The following MYOF variants were observed in gnomAD, a reference collection of about 807,000 sequenced individuals.
MYOF encodes fer-1-like 3, myoferlin.
A neutral mutation model predicts 284.2 loss-of-function variants in MYOF; 244 were observed. The ratio of observed to expected loss-of-function variants is 0.86; its 90% confidence interval spans 0.77 to 0.95. MYOF has a LOEUF of 0.95. Ranked by LOEUF, MYOF falls within the 40% of genes least tolerant of loss-of-function variation. MYOF has a pLI of 0.00. For missense variants in MYOF, 2,496 were observed against 2,560.6 expected (o/e 0.97, Z 0.54); for synonymous variants, 904 against 919.7 (o/e 0.98, Z 0.31).
chr10:93,330,247 G>A (rs553351335), intron 43 of MYOF, among the ~76,000 whole-genome samples: 1 of 151,460 alleles, frequency 6.6e-6, no homozygotes, highest in African/African-American at 2.4e-5. Context: ...TCCAATGCCA[G>A]TATAATAATA....
chr10:93,418,552 A>G (rs964172693), intron 5 of MYOF, among the ~76,000 whole-genome samples: 1 of 152,162 alleles, frequency 6.6e-6, no homozygotes, highest in African/African-American at 2.4e-5. Flanking sequence ...CTGCGGGGCA[A>G]TTGAGGAATC....
intron 1 of MYOF, among the ~76,000 whole-genome samples, chr10:93,467,406 A>T (rs1158447263): frequency 1.3e-4 from 3 of 23,672 alleles, no homozygotes; most frequent in Non-Finnish European, 4.9e-4. Context: ...TATGAGTGAG[A>T]ACATGCAGTG....
At chr10:93,368,231 T>G (rs1845418157) in intron 25 of MYOF, among the ~76,000 whole-genome samples, 2 of 152,158 alleles carry the variant, frequency 1.3e-5, no homozygotes, top group African/African-American at 4.8e-5. Context: ...GCCTCCCTAG[T>G]GGCCTCCAGC....
Position 93,353,683 on chromosome 10 carries a change from T to C in MYOF, c.3481+128A>G, listed in dbSNP as rs1041159006. On this transcript the variant is annotated intron_variant, in intron 32 of 53. Coordinates refer to ENST00000359263, the MANE Select transcript of MYOF (RefSeq NM_013451.4). ...ATGACTGAGCAGTTTGCTTCAAGCATGCAAAAATAACCTCAACATGTAAAG... is the reference window on the plus strand; with the variant it reads ...ATGACTGAGCAGTTTGCTTCAAGCACGCAAAAATAACCTCAACATGTAAAG... 4.3e-6 allele frequency: 3 copies of C among 695,978 alleles called. No individual in the cohort carries two copies. The African/African-American group carries it at 5.4e-5, about 12-fold the overall frequency. 43.1% of individuals were successfully genotyped at this position (695,978 alleles called of 1,614,324 possible).
chr10:93,454,804 G>A (rs1487008782), intron 2 of MYOF, among the ~76,000 whole-genome samples: 1 of 151,458 alleles, frequency 6.6e-6, no homozygotes, highest in East Asian at 1.9e-4. Flanking sequence ...ATAGCAGGAT[G>A]TAATCTCTAC....
At chr10:93,365,705 G>A (rs185196436) in intron 26 of MYOF, among the ~76,000 whole-genome samples, 17 of 152,246 alleles carry the variant, frequency 1.1e-4, no homozygotes, top group East Asian at 5.8e-4. Context: ...GTGTTTCTGC[G>A]CATCTTGTGA....
At position 93,402,787 on chromosome 10, in the gene MYOF, A is replaced by G. The variant is rs1847362601; in HGVS notation, c.874+73T>C. On this transcript the variant is annotated intron_variant, in intron 10 of 53. Coordinates refer to ENST00000359263, the MANE Select transcript of MYOF (RefSeq NM_013451.4). The stretch of plus-strand genomic sequence containing the variant: ...CTTTGATCCCCCCCAAATTGTCTTG[A>G]TTCTTAGAATCATCTTCAGAGTTAG... 3 of 1,399,270 alleles carry G rather than the reference A, an allele frequency of 2.1e-6. No homozygotes were observed. In the East Asian group the frequency reaches 6.9e-5, roughly 32 times the overall value. The allele number at this position is 1,399,270 out of a possible 1,614,324, so 86.7% of individuals were successfully genotyped here.
At chr10:93,348,416 G>C (rs1434350513) in intron 36 of MYOF, among the ~76,000 whole-genome samples, 1 of 152,166 alleles carries the variant, frequency 6.6e-6, no homozygotes, top group Non-Finnish European at 1.5e-5. Context: ...TGCCTGATTG[G>C]GGAATCATGA....
chr10:93,470,399 G>GT (rs1023455153), intron 1 of MYOF, among the ~76,000 whole-genome samples: 5 of 151,818 alleles, frequency 3.3e-5, no homozygotes, highest in Admixed American at 1.3e-4. Flanking sequence ...AGAAGTTTTT[G>GT]TTTTTTTGTT....
Position 93,406,288 on chromosome 10 carries a change from TTATATATATATATATATATA to T in MYOF, c.730-2089_730-2070del, listed in dbSNP as rs3980375. Among the ~76,000 whole-genome samples the T allele has an allele frequency of 5.2e-5, 3 of 58,128 alleles. 1 individual carries two copies. Among genetic ancestry groups the T allele is most frequent in the Non-Finnish European group, 4.3e-5 (1 of 23,432 alleles). 38.1% of individuals were successfully genotyped at this position (58,128 alleles called of 152,430 possible). A position where few individuals can be genotyped will look rare whatever the true frequency, so the allele number is the denominator to read the frequency against. On this transcript the variant is annotated intron_variant, in intron 7 of 53. Transcript: ENST00000359263. Reference sequence around the variant, plus strand: ...TAGAAATTTTTTTAGTAAACCTCTTTTATATATATATATATATATATATATATATTTGTTTTTATCATCTT... The same window carrying T: ...TAGAAATTTTTTTAGTAAACCTCTTTTATATATATTTGTTTTTATCATCTT...
chr10:93,413,776 C>T (rs1039459682), intron 5 of MYOF, among the ~76,000 whole-genome samples: 4 of 151,924 alleles, frequency 2.6e-5, no homozygotes, highest in African/African-American at 9.7e-5. Flanking sequence ...ATCGCTTGAG[C>T]CCAAGAGTTT....
intron 4 of MYOF, among the ~76,000 whole-genome samples, chr10:93,429,263 C>G (rs1466974415): frequency 3.3e-5 from 5 of 152,188 alleles, no homozygotes; most frequent in Non-Finnish European, 7.3e-5. Context: ...CCACCTTCCC[C>G]CACGAGTAAA....
rs746158486 is a variant in MYOF at position 93,353,795 on chromosome 10, A to AT, written c.3481+15dup. On this transcript the variant is annotated intron_variant, in intron 32 of 53. Coordinates refer to ENST00000359263, the MANE Select transcript of MYOF (RefSeq NM_013451.4). ...CTATGTAATCATGTGTAGCATGTAGATTTTTTTTCCTTTACCTGAAAAGCT... is the reference window on the plus strand; with the variant it reads ...CTATGTAATCATGTGTAGCATGTAGATTTTTTTTTCCTTTACCTGAAAAGCT... The AT allele has an allele frequency of 4.6e-5, 73 of 1,595,220 alleles. No homozygotes were observed. The South Asian group carries it at 5.3e-4, about 12-fold the overall frequency.
intron 36 of MYOF, among the ~76,000 whole-genome samples, chr10:93,348,680 G>C (rs2133878060): frequency 6.6e-6 from 1 of 152,128 alleles, no homozygotes; most frequent in Admixed American, 6.6e-5. Context: ...TGATAGGGAG[G>C]GGAGCATGGG....
chr10:93,331,495 G>A (rs1046803238), intron 43 of MYOF, among the ~76,000 whole-genome samples: 1 of 152,178 alleles, frequency 6.6e-6, no homozygotes, highest in African/African-American at 2.4e-5. Flanking sequence ...AATTCAGACA[G>A]GGTTGCCTTT....
intron 1 of MYOF, among the ~76,000 whole-genome samples, chr10:93,463,276 C>T (rs2056926364): frequency 6.6e-6 from 1 of 152,064 alleles, no homozygotes; most frequent in South Asian, 2.1e-4. Context: ...AAAGGCCTGG[C>T]CCAGTGCGGT....
At chr10:93,319,508 C>T (rs1233415976) in intron 49 of MYOF, among the ~76,000 whole-genome samples, 5 of 152,134 alleles carry the variant, frequency 3.3e-5, no homozygotes, top group Non-Finnish European at 4.4e-5. Flanking sequence ...CACTTTAATA[C>T]TGGGCCTCTG....
intron 3 of MYOF, 34 bp downstream of exon 3, chr10:93,452,016 C>T (rs530541367): frequency 2.8e-6 from 4 of 1,445,276 alleles, no homozygotes; most frequent in Non-Finnish European, 1.9e-6. Context: ...GATAGTAATA[C>T]CTAAAATGAG....
At chr10:93,432,215 C>G (rs1848904263) in intron 3 of MYOF, among the ~76,000 whole-genome samples, 4 of 151,820 alleles carry the variant, frequency 2.6e-5, no homozygotes, top group African/African-American at 7.3e-5. Flanking sequence ...TCATGAGACC[C>G]CATCTCTACA....
Sources: allele counts gnomAD v4.1 joint callset (sites outside exome capture counted in the v4.1 genomes callset), GRCh38; gene constraint gnomAD v4.1.1; transcripts MANE v1.5; gene names NCBI Gene and HGNC (gene_info 2026-07-23, HGNC 2026-07-21).